PTPN6: variants seen among roughly 807,000 people sequenced by gnomAD.
The protein encoded by PTPN6 is tyrosine-protein phosphatase non-receptor type 6.
Under a neutral mutation model 81.5 loss-of-function variants are expected in PTPN6, and 18 were observed. That is an observed-to-expected ratio of 0.22 (90% CI 0.15 to 0.33). The LOEUF (loss-of-function observed/expected upper bound fraction) is 0.33, where lower values mean the gene tolerates loss of function less well. PTPN6 is among the 10% of genes least tolerant of loss of function. PTPN6 has a pLI of 1.00. For synonymous variants in PTPN6, 301 were observed against 310.9 expected (o/e 0.97, Z 0.33); for missense variants, 500 against 794.2 (o/e 0.63, Z 4.45).
Position 6,957,561 on chromosome 12 carries a change from C to A in PTPN6, c.1075-93C>A. The A allele has an allele frequency of 6.7e-7, 1 of 1,484,946 alleles. No individual in the cohort carries two copies. Among genetic ancestry groups the A allele is most frequent in the Non-Finnish European group, 9.2e-7 (1 of 1,088,248 alleles). The allele number at this position is 1,484,946 out of a possible 1,614,324, so 92.0% of individuals were successfully genotyped here. ...TCCGTCCATCCAACAAATGTTTGGG[C>A]CGGTGCCAGGCACTCAGAACATAGA... On this transcript the variant is annotated intron_variant, in intron 9 of 15. Transcript: ENST00000318974. This position sits in a 1 kb window ranked among gnomAD's most constrained non-coding sequence, Gnocchi z 6.5.
chr12:6,958,784 A>G (rs782307624), intron 11 of PTPN6, among the ~76,000 whole-genome samples: 3 of 152,206 alleles, frequency 2.0e-5, no homozygotes, highest in African/African-American at 7.2e-5. Flanking sequence ...CAGTGGGTGC[A>G]GGGCCCCTCC....
At chr12:6,949,651 A>G (rs1398241273), upstream of PTPN6, among the ~76,000 whole-genome samples, 1 of 152,162 alleles carries the variant, frequency 6.6e-6, no homozygotes, top group Admixed American at 6.5e-5. Flanking sequence ...GCCACTTACC[A>G]GCTTTTCACA....
Position 6,960,906 on chromosome 12 carries a change from C to A in PTPN6, c.1774C>A (p.Leu592Ile). 6.4e-7 allele frequency: 1 copy of A among 1,571,060 alleles called. No individual in the cohort carries two copies. The highest frequency in any genetic ancestry group is 2.3e-5 in the East Asian group (1 of 42,562). The part of the protein sequence containing the change: ...SADKEKSKGS[L>I]KRK ...AGACAAGGAGAAGAGCAAGGGTTCC[C>A]TCAAGAGGAAGTGAGCGGTGCTGTC... Residue 592 changes from leucine (L) to isoleucine (I), a missense_variant, in exon 15 of 16, where the codon CTC (leucine) becomes ATC (isoleucine). Around this residue, in one of 6 missense-constraint regions of PTPN6, gnomAD observed 56 missense variants for 56.4 expected, o/e 0.99. Coordinates refer to ENST00000318974, the MANE Select transcript of PTPN6 (RefSeq NM_002831.6). This position sits in a 1 kb window ranked among gnomAD's most constrained non-coding sequence, Gnocchi z 6.1.
Position 6,961,104 on chromosome 12 carries a change from CCTCA to C in PTPN6, c.*26-18_*26-15del. On this transcript the variant is annotated intron_variant, in intron 15 of 15. Transcript: ENST00000318974. Reference sequence around the variant, plus strand: ...CCAGGTTCCAGCTACCCTCTCACTCCCTCACTCCCTTCTCTTGGCAGCCTCAGCC... The same window carrying C: ...CCAGGTTCCAGCTACCCTCTCACTCCCTCCCTTCTCTTGGCAGCCTCAGCC... 2.5e-6 allele frequency: 3 copies of C among 1,184,520 alleles called. No homozygotes were observed. Among genetic ancestry groups the C allele is most frequent in the Non-Finnish European group, 3.5e-6 (3 of 846,338 alleles). The allele number at this position is 1,184,520 out of a possible 1,614,324, so 73.4% of individuals were successfully genotyped here.
In PTPN6 at chr12:6,955,621, C is replaced by T; in HGVS notation, c.748-39C>T. ...CGTGAGCTCCCCCGATGGATGCCCT[C>T]TTTGGGAGCTGATGCTCATTTCCCC... On this transcript the variant is annotated intron_variant, in intron 6 of 15. Coordinates refer to ENST00000318974, the MANE Select transcript of PTPN6 (RefSeq NM_002831.6). The surrounding 1 kb of genome is among the most constrained non-coding windows in gnomAD (Gnocchi z 7.2). 1.3e-6 allele frequency: 2 copies of T among 1,597,908 alleles called. No homozygotes were observed. Among genetic ancestry groups the T allele is most frequent in the Non-Finnish European group, 1.7e-6 (2 of 1,165,368 alleles).
chr12:6,952,169 T>C lies in PTPN6; in HGVS notation c.318T>C (p.Thr106=), dbSNP rs782119692. ...LKYPLNCSDP[T]SERWYHGHMS... ...ACCCGCTGAACTGCTCCGATCCCAC[T>C]AGTGAGAGGTGAGGGCTCCGCACCC... is the stretch of plus-strand genomic sequence containing the variant. The change falls in exon 3 of 16, where the codon ACT becomes ACC. Residue 106 remains threonine, a synonymous_variant. Transcript: ENST00000318974. This position sits in a 1 kb window ranked among gnomAD's most constrained non-coding sequence, Gnocchi z 8.1. The C allele has an allele frequency of 3.7e-6, 6 of 1,613,590 alleles. No homozygotes were observed. Among genetic ancestry groups the C allele is most frequent in the Non-Finnish European group, 5.1e-6 (6 of 1,179,924 alleles).
chr12:6,949,001 A>T (rs151151817), upstream of PTPN6, among the ~76,000 whole-genome samples: 560 of 151,488 alleles, frequency 3.7e-3, 4 homozygotes, highest in Non-Finnish European at 6.6e-3. Context: ...AGTACTGGCG[A>T]GTTTGTGGGT....
In PTPN6 at chr12:6,957,605, C is replaced by T. The variant is rs889945266; in HGVS notation, c.1075-49C>T. ...ACATAGAGCAGGACCTGGGATGGGCCACAGTGCCCTGCTCTGTGCCTCATC... is the reference window on the plus strand; with the variant it reads ...ACATAGAGCAGGACCTGGGATGGGCTACAGTGCCCTGCTCTGTGCCTCATC... On this transcript the variant is annotated intron_variant, in intron 9 of 15. Coordinates refer to ENST00000318974, the MANE Select transcript of PTPN6 (RefSeq NM_002831.6). The surrounding 1 kb of genome is among the most constrained non-coding windows in gnomAD (Gnocchi z 6.5). 3 of 1,603,628 alleles carry T rather than the reference C, an allele frequency of 1.9e-6. No individual in the cohort carries two copies. Among genetic ancestry groups the T allele is most frequent in the Non-Finnish European group, 2.6e-6 (3 of 1,175,580 alleles).
rs782230196 is a variant in PTPN6, at chr12:6,960,948, A to G, written c.*25+3A>G. 1.9e-6 allele frequency: 3 copies of G among 1,555,460 alleles called. No homozygotes were observed. The highest frequency in any genetic ancestry group is 2.4e-5 in the East Asian group (1 of 41,294). On this transcript the variant is annotated splice_donor_region_variant and intron_variant, in intron 15 of 15. Coordinates refer to ENST00000318974, the MANE Select transcript of PTPN6 (RefSeq NM_002831.6). This position sits in a 1 kb window ranked among gnomAD's most constrained non-coding sequence, Gnocchi z 6.1. Reference sequence around the variant, plus strand: ...GGTGCTGTCCTCAGGTGGCCATGGTACAGCTCTTCTGCCTGGGTGTCCTCC... The same window carrying G: ...GGTGCTGTCCTCAGGTGGCCATGGTGCAGCTCTTCTGCCTGGGTGTCCTCC...
chr12:6,951,192 C>A (rs782009866), upstream of PTPN6: 3 of 1,373,340 alleles, frequency 2.2e-6, no homozygotes, highest in Non-Finnish European at 2.9e-6. This position sits in a 1 kb window ranked among gnomAD's most constrained non-coding sequence, Gnocchi z 7.2. Flanking sequence ...GCTCCTGAGC[C>A]TTTGATTGCA....
Position 6,957,059 on chromosome 12 carries a change from C to T in PTPN6, c.1074+491C>T, listed in dbSNP as rs1946044581. Among the ~76,000 whole-genome samples, 1 of 152,234 alleles carries T rather than the reference C, an allele frequency of 6.6e-6. No individual in the cohort carries two copies. Among genetic ancestry groups the T allele is most frequent in the African/African-American group, 2.4e-5 (1 of 41,464 alleles). ...TCAAGGTCTGGTGGCTTCCCTCTGA[C>T]CCGCACGCTTCTCTTGAAGGCTCAC... On this transcript the variant is annotated intron_variant, in intron 9 of 15. Coordinates refer to ENST00000318974, the MANE Select transcript of PTPN6 (RefSeq NM_002831.6). This position sits in a 1 kb window ranked among gnomAD's most constrained non-coding sequence, Gnocchi z 6.5.
chr12:6,948,682 T>C (rs1235608324), upstream of PTPN6, among the ~76,000 whole-genome samples: 3 of 151,910 alleles, frequency 2.0e-5, no homozygotes, highest in African/African-American at 7.3e-5. Context: ...GGCTCAAGCC[T>C]GTAATCCCAG....
In PTPN6 at chr12:6,956,575, C is replaced by T. The variant is rs782331886; in HGVS notation, c.1074+7C>T. ...AGAGGTGGAGAAAGGCCGGGTAGGG[C>T]GCCCCCCCTTCCCCGCATCCGCCCC... On this transcript the variant is annotated splice_region_variant and intron_variant, in intron 9 of 15. Coordinates refer to ENST00000318974, the MANE Select transcript of PTPN6 (RefSeq NM_002831.6). This position sits in a 1 kb window ranked among gnomAD's most constrained non-coding sequence, Gnocchi z 4.1. 15 of 1,612,940 alleles carry T rather than the reference C, an allele frequency of 9.3e-6. No homozygotes were observed. The highest frequency in any genetic ancestry group is 1.7e-4 in the Middle Eastern group (1 of 5,980).
rs1555148356 is a variant in PTPN6 at position 6,955,031 on chromosome 12, G to A, written c.516+37G>A. 1 of 1,612,504 alleles carries A rather than the reference G, an allele frequency of 6.2e-7. No individual in the cohort carries two copies. The highest frequency in any genetic ancestry group is 1.1e-5 in the South Asian group (1 of 91,042). On this transcript the variant is annotated intron_variant, in intron 4 of 15. Coordinates refer to ENST00000318974, the MANE Select transcript of PTPN6 (RefSeq NM_002831.6). The surrounding 1 kb of genome is among the most constrained non-coding windows in gnomAD (Gnocchi z 7.2). ...AGGCGGCGGGGGAGCCTCTGCTGAG[G>A]CTCCTGTCTGTGACCACAGTGTGGG...
rs2110072 is a variant in PTPN6 at position 6,956,472 on chromosome 12, T to C, written c.978T>C (p.Gly326=). 1,521,579 of 1,614,066 alleles carry C rather than the reference T, an allele frequency of 0.94. 717,695 individuals are homozygous for C. The highest frequency in any genetic ancestry group is 1 in the East Asian group (44,861 of 44,874). ...CTAAGACCTACATCGCCAGCCAGGG[T>C]TGTCTGGAGGCCACGGTCAATGACT... ...ENAKTYIASQ[G]CLEATVNDFW... is the part of the protein sequence containing the mutation. The change falls in exon 9 of 16, where the codon GGT becomes GGC. Residue 326 remains glycine (G), a synonymous_variant. Coordinates refer to ENST00000318974, the MANE Select transcript of PTPN6 (RefSeq NM_002831.6). The surrounding 1 kb of genome is among the most constrained non-coding windows in gnomAD (Gnocchi z 4.1).
At chr12:6,947,770 C>T (rs782362863), upstream of PTPN6, among the ~76,000 whole-genome samples, 1 of 151,998 alleles carries the variant, frequency 6.6e-6, no homozygotes, top group Middle Eastern at 3.4e-3. Context: ...GAGGCCTTCC[C>T]GAGGAGGTGA....
At chr12:6,946,637 C>T (rs999748408), upstream of PTPN6, 17 of 1,135,834 alleles carry the variant, frequency 1.5e-5, no homozygotes, top group East Asian at 3.5e-4. Context: ...TCTTCCTCAC[C>T]TGGCTTGGGC....
In PTPN6 at chr12:6,959,892, G is replaced by A; in HGVS notation, c.1362-35G>A. 1 of 1,609,930 alleles carries A rather than the reference G, an allele frequency of 6.2e-7. No homozygotes were observed. Among genetic ancestry groups the A allele is most frequent in the Non-Finnish European group, 8.5e-7 (1 of 1,179,142 alleles). ...GTACCCCCCTTCCCGGGGAGGGCTT[G>A]ACTGGCCTCTGATGGCACCCCCGTC... is the stretch of plus-strand genomic sequence containing the variant. On this transcript the variant is annotated intron_variant, in intron 11 of 15. Transcript: ENST00000318974. This position sits in a 1 kb window ranked among gnomAD's most constrained non-coding sequence, Gnocchi z 6.6.
rs41301117 is a variant in PTPN6, at chr12:6,956,578, C to A, written c.1074+10C>A. ...GGTGGAGAAAGGCCGGGTAGGGCGC[C>A]CCCCCTTCCCCGCATCCGCCCCCGT... On this transcript the variant is annotated intron_variant, in intron 9 of 15. Coordinates refer to ENST00000318974, the MANE Select transcript of PTPN6 (RefSeq NM_002831.6). The surrounding 1 kb of genome is among the most constrained non-coding windows in gnomAD (Gnocchi z 4.1). 2.6e-3 allele frequency: 4,247 copies of A among 1,613,172 alleles called. 8 individuals are homozygous for A. Among genetic ancestry groups the A allele is most frequent in the Middle Eastern group, 6.6e-3 (39 of 5,912 alleles).
Sources: gnomAD v4.1 joint callset for allele counts (sites outside exome capture counted in the v4.1 genomes callset) on GRCh38, gnomAD v4.1.1 for gene constraint, gnomAD v4.1.1 regional missense constraint, Gnocchi (gnomAD v3.1) non-coding constraint, MANE v1.5 for transcripts, NCBI Gene and HGNC (gene_info 2026-07-23, HGNC 2026-07-21) for gene names.